The following PCDHGA1 variants were observed in gnomAD, a reference collection of about 807,000 sequenced individuals.
PCDHGA1 encodes protocadherin gamma-A1.
In PCDHGA1, 32 loss-of-function variants were observed where a neutral mutation model predicts 58.0. The observed-to-expected ratio is 0.55, with a 90% CI of 0.42 to 0.74. The LOEUF is 0.74. Among genes scored for constraint, PCDHGA1 ranks in the 30% least tolerant of loss-of-function variants. The pLI is 0.00. For missense variants in PCDHGA1, 1,205 were observed against 1,182.3 expected (o/e 1.02, Z -0.28); for synonymous variants, 498 against 501.1 (o/e 0.99, Z 0.08).
chr5:141,372,633 A>C, intron 1 of PCDHGA1: 1 of 1,613,996 alleles, frequency 6.2e-7, no homozygotes, highest in Middle Eastern at 1.6e-4. Flanking sequence ...CAGCGAAAGG[A>C]CTTTGCCTTA....
At chr5:141,360,482 T>C in intron 1 of PCDHGA1, 4 of 1,613,924 alleles carry the variant, frequency 2.5e-6, no homozygotes, top group Non-Finnish European at 3.4e-6. Flanking sequence ...CCACTAAATA[T>C]TTTCTACATA....
chr5:141,492,851 C>T (rs1289268967), intron 1 of PCDHGA1, among the ~76,000 whole-genome samples: 2 of 152,204 alleles, frequency 1.3e-5, no homozygotes, highest in Non-Finnish European at 2.9e-5. Flanking sequence ...GTGAAAGCCT[C>T]GAGCGCCCTG....
chr5:141,374,959 C>T, intron 1 of PCDHGA1: 1 of 1,614,014 alleles, frequency 6.2e-7, no homozygotes, highest in Non-Finnish European at 8.5e-7. Context: ...CACAAATTTT[C>T]TGTTTGAATG....
At chr5:141,344,299 G>T (rs776796046) in intron 1 of PCDHGA1, 1 of 1,613,962 alleles carries the variant, frequency 6.2e-7, no homozygotes, top group African/African-American at 1.3e-5. Context: ...ACCGCGGAGA[G>T]GATAGACCGG....
At chr5:141,450,506 G>A (rs2098682958) in intron 1 of PCDHGA1, among the ~76,000 whole-genome samples, 2 of 151,914 alleles carry the variant, frequency 1.3e-5, no homozygotes, top group Admixed American at 6.6e-5. Context: ...TTTGTTTTGA[G>A]ATGGAGTCTC....
intron 2 of PCDHGA1, among the ~76,000 whole-genome samples, chr5:141,504,926 TGGTG>T (rs1312481961): frequency 1.3e-5 from 2 of 151,946 alleles, no homozygotes; most frequent in Non-Finnish European, 2.9e-5. Context: ...GGCTCTCTCA[TGGTG>T]GGTGGGGGAA....
chr5:141,457,301 CCAAA>C (rs1163780799), intron 1 of PCDHGA1, among the ~76,000 whole-genome samples: 1 of 152,090 alleles, frequency 6.6e-6, no homozygotes, highest in Non-Finnish European at 1.5e-5. Context: ...TTTTATTTTC[CCAAA>C]CAAAGAAACC....
At position 141,423,418 on chromosome 5, in the gene PCDHGA1, G is replaced by T. The variant is rs1236092057; in HGVS notation, c.2422-71389G>T. On this transcript the variant is annotated intron_variant, in intron 1 of 3. Transcript: ENST00000517417. ...GTCACGCCTGCTGCAGGCTTCTGAAGGCGGGTTGGCAGGTATGCCCACGTC... is the reference window on the plus strand; with the variant it reads ...GTCACGCCTGCTGCAGGCTTCTGAATGCGGGTTGGCAGGTATGCCCACGTC... 1.2e-6 allele frequency: 2 copies of T among 1,614,022 alleles called. No individual in the cohort carries two copies. Among genetic ancestry groups the T allele is most frequent in the South Asian group, 1.1e-5 (1 of 91,088 alleles).
chr5:141,498,805 C>T (rs1397026274), intron 2 of PCDHGA1, among the ~76,000 whole-genome samples: 1 of 152,000 alleles, frequency 6.6e-6, no homozygotes, highest in Non-Finnish European at 1.5e-5. Flanking sequence ...TGGTGGTGCA[C>T]ACCTGTAGTC....
intron 1 of PCDHGA1, chr5:141,346,154 C>A: frequency 1.2e-6 from 2 of 1,614,012 alleles, no homozygotes; most frequent in South Asian, 1.1e-5. Context: ...TCCTGGCCTT[C>A]GTCATCGTGC....
Position 141,331,591 on chromosome 5 carries a change from A to G in PCDHGA1, c.907A>G (p.Asn303Asp). The change falls in exon 1 of 4, where the codon AAT (asparagine) becomes GAT (aspartate). Residue 303 changes from asparagine (N) to aspartate (D), a missense_variant. Physicochemically the swap from Asn to Asp is conservative, Grantham distance 23. Coordinates refer to ENST00000517417, the MANE Select transcript of PCDHGA1 (RefSeq NM_018912.3). ...AGATTCTTACACAGGAGAAATATCA[A>G]ATAAAGAACCACTAGATTTCGAAGA... Reference protein sequence around the residue: ...RLDSYTGEISNKEPLDFEEYK... With the variant: ...RLDSYTGEISDKEPLDFEEYK... 1 of 1,614,124 alleles carries G rather than the reference A, an allele frequency of 6.2e-7. No individual in the cohort carries two copies. The highest frequency in any genetic ancestry group is 8.5e-7 in the Non-Finnish European group (1 of 1,180,036).
At chr5:141,371,225 C>A in intron 1 of PCDHGA1, 1 of 1,614,046 alleles carries the variant, frequency 6.2e-7, no homozygotes, top group Non-Finnish European at 8.5e-7. Context: ...ATGCCGAAAT[C>A]ATCTATGCCT....
At chr5:141,450,998 T>C (rs2098703513) in intron 1 of PCDHGA1, among the ~76,000 whole-genome samples, 1 of 151,696 alleles carries the variant, frequency 6.6e-6, no homozygotes, top group Non-Finnish European at 1.5e-5. Flanking sequence ...CTAATTTTTT[T>C]GTATTTTTTT....
rs768074414 is a variant in PCDHGA1 at position 141,477,293 on chromosome 5, C to T, written c.2422-17514C>T. 8.1e-6 allele frequency: 13 copies of T among 1,614,180 alleles called. No homozygotes were observed. The highest frequency in any genetic ancestry group is 1.1e-5 in the Non-Finnish European group (13 of 1,180,036). ...CGGGCTGGTGACCTGCGAAGTTCCA[C>T]CGGGTCTCCCTTTCAGCCTTACTTC... On this transcript the variant is annotated intron_variant, in intron 1 of 3. Coordinates refer to ENST00000517417, the MANE Select transcript of PCDHGA1 (RefSeq NM_018912.3). This position sits in a 1 kb window ranked among gnomAD's most constrained non-coding sequence, Gnocchi z 4.9.
At chr5:141,475,996 G>T (rs2099383729) in intron 1 of PCDHGA1, 4 of 1,181,402 alleles carry the variant, frequency 3.4e-6, no homozygotes, top group Non-Finnish European at 3.5e-6. Flanking sequence ...GCAAATCAAC[G>T]GCATCCAGAA....
At chr5:141,483,761 GA>G (rs1376816525) in intron 1 of PCDHGA1, among the ~76,000 whole-genome samples, 1 of 152,118 alleles carries the variant, frequency 6.6e-6, no homozygotes, top group African/African-American at 2.4e-5. Flanking sequence ...TCGAGGCTTG[GA>G]AAAATATTGG....
intron 1 of PCDHGA1, chr5:141,403,621 C>T: frequency 6.2e-7 from 1 of 1,613,926 alleles, no homozygotes; most frequent in Non-Finnish European, 8.5e-7. Flanking sequence ...CGCGTCGCTC[C>T]AGCACAGTGC....
intron 1 of PCDHGA1, among the ~76,000 whole-genome samples, chr5:141,453,510 T>C (rs11958830): frequency 0.2 from 30,607 of 152,026 alleles, 3,435 homozygotes; most frequent in African/African-American, 0.31. Flanking sequence ...AAAATTGTCA[T>C]TCCTCCCCTA....
chr5:141,448,211 T>TA (rs2098575794), intron 1 of PCDHGA1, among the ~76,000 whole-genome samples: 1 of 152,212 alleles, frequency 6.6e-6, no homozygotes, highest in East Asian at 1.9e-4. Flanking sequence ...TTTCTGTGTG[T>TA]ATGCGAATGT....
Sources: allele counts gnomAD v4.1 joint callset (sites outside exome capture counted in the v4.1 genomes callset), GRCh38; gene constraint gnomAD v4.1.1; non-coding constraint Gnocchi (gnomAD v3.1); transcripts MANE v1.5; gene names NCBI Gene and HGNC (gene_info 2026-07-23, HGNC 2026-07-21).